The following PRIMA1 variants were observed in gnomAD, a reference collection of about 807,000 sequenced individuals.
The protein encoded by PRIMA1 is proline-rich membrane anchor 1.
A neutral mutation model predicts 17.5 loss-of-function variants in PRIMA1; 7 were observed. That is an observed-to-expected ratio of 0.40 (90% CI 0.23 to 0.75). The LOEUF is 0.75. Among genes scored for constraint, PRIMA1 ranks in the 30% least tolerant of loss-of-function variants. The probability of loss-of-function intolerance (pLI) is 0.37; values close to 1 mark genes in which losing one functional copy is unlikely to be tolerated. For synonymous variants in PRIMA1, 97 were observed against 77.9 expected (o/e 1.25, Z -1.29); for missense variants, 200 against 201.8 (o/e 0.99, Z 0.05).
intron 3 of PRIMA1, among the ~76,000 whole-genome samples, chr14:93,746,216 G>A (rs1343556086): frequency 6.6e-6 from 1 of 152,128 alleles, no homozygotes; most frequent in African/African-American, 2.4e-5. Context: ...TCCTGGGAAT[G>A]GTTTCCCAGC....
intron 2 of PRIMA1, among the ~76,000 whole-genome samples, chr14:93,785,042 C>A (rs924668083): frequency 6.6e-6 from 1 of 152,112 alleles, no homozygotes; most frequent in African/African-American, 2.4e-5. Flanking sequence ...AAGAGGCTGT[C>A]TCTCTAACTA....
chr14:93,767,492 G>C (rs1294002703), intron 3 of PRIMA1, among the ~76,000 whole-genome samples: 1 of 152,166 alleles, frequency 6.6e-6, no homozygotes, highest in Non-Finnish European at 1.5e-5. Flanking sequence ...CCTTGGTCAG[G>C]AGCAAAGGGT....
At chr14:93,760,849 A>G (rs1360930655) in intron 3 of PRIMA1, among the ~76,000 whole-genome samples, 1 of 144,574 alleles carries the variant, frequency 6.9e-6, no homozygotes, top group Non-Finnish European at 1.5e-5. Context: ...CTCCCCCTCC[A>G]TTGCTGCCCC....
At position 93,737,363 on chromosome 14, in the gene PRIMA1, G is replaced by A; in HGVS notation, c.237C>T (p.Asn79=). The change falls in exon 4 of 5, where the codon AAC becomes AAT. Residue 79 remains asparagine, a synonymous_variant. Coordinates refer to ENST00000393140, the MANE Select transcript of PRIMA1 (RefSeq NM_178013.4). ...TTTCCTCAGTGGGGCAAGAGGTAGA[G>A]TTGGGAGCTGAAAAAGACAGGAGCA... ...PPRLLSAPAP[N]STSCPTEESW... is the part of the protein sequence containing the mutation. 2 of 1,613,986 alleles carry A rather than the reference G, an allele frequency of 1.2e-6. No individual in the cohort carries two copies. Among genetic ancestry groups the A allele is most frequent in the Non-Finnish European group, 1.7e-6 (2 of 1,179,950 alleles).
chr14:93,757,694 G>A (rs910443124), intron 3 of PRIMA1, among the ~76,000 whole-genome samples: 24 of 152,086 alleles, frequency 1.6e-4, no homozygotes, highest in African/African-American at 5.6e-4. Flanking sequence ...GGTGGGCTTT[G>A]TCTTGGTGGG....
At chr14:93,763,399 C>A (rs539882511) in intron 3 of PRIMA1, among the ~76,000 whole-genome samples, 1 of 152,186 alleles carries the variant, frequency 6.6e-6, no homozygotes, top group South Asian at 2.1e-4. Flanking sequence ...GAGGCCAGCT[C>A]ACCCTTCTGA....
intron 3 of PRIMA1, among the ~76,000 whole-genome samples, chr14:93,760,045 C>G (rs1249012071): frequency 6.6e-6 from 1 of 152,250 alleles, no homozygotes; most frequent in East Asian, 1.9e-4. Flanking sequence ...CAACAGCTGC[C>G]GTCCCCGAGG....
chr14:93,761,930 A>G (rs1487514958), intron 3 of PRIMA1, among the ~76,000 whole-genome samples: 1 of 151,350 alleles, frequency 6.6e-6, no homozygotes, highest in Non-Finnish European at 1.5e-5. Flanking sequence ...AGCATATTCC[A>G]CCTCTTTCTG....
chr14:93,747,642 A>G (rs2076228015), intron 3 of PRIMA1, among the ~76,000 whole-genome samples: 1 of 142,666 alleles, frequency 7.0e-6, no homozygotes, highest in African/African-American at 2.6e-5. Flanking sequence ...AGTGCATGGG[A>G]GTATTGTGTA....
chr14:93,736,563 C>T (rs1413211234), intron 4 of PRIMA1, among the ~76,000 whole-genome samples: 1 of 152,262 alleles, frequency 6.6e-6, no homozygotes, highest in Admixed American at 6.5e-5. Flanking sequence ...ATGGAGCCGC[C>T]ATGCCCGGGC....
rs145840548 is a variant in PRIMA1, at chr14:93,779,183, G to A, written c.222C>T (p.Ser74=). The A allele has an allele frequency of 4.8e-3, 7,015 of 1,459,022 alleles. 22 individuals carry two copies. The highest frequency in any genetic ancestry group is 5.6e-3 in the Non-Finnish European group (6,236 of 1,110,588). 90.4% of individuals were successfully genotyped at this position (1,459,022 alleles called of 1,614,324 possible). ...GAGTGAGCCATTACTTACCTGGGGC[G>A]GAGAGGAGTCTGGGAGGTGGCGGGG... ...PPPPPPPRLL[S]APAPNSTSCP... Residue 74 remains serine, a synonymous_variant, in exon 3 of 5, where the codon TCC becomes TCT. Transcript: ENST00000393140.
chr14:93,774,756 C>T (rs1412060372), intron 3 of PRIMA1, among the ~76,000 whole-genome samples: 1 of 152,242 alleles, frequency 6.6e-6, no homozygotes, highest in Non-Finnish European at 1.5e-5. Flanking sequence ...CTTGCACTCA[C>T]AGGCTGCTCT....
intron 3 of PRIMA1, among the ~76,000 whole-genome samples, chr14:93,739,255 T>C (rs2076169904): frequency 1.3e-5 from 2 of 152,138 alleles, no homozygotes; most frequent in South Asian, 4.1e-4. Flanking sequence ...TTTCTCCATG[T>C]TGGTCAGGCT....
intron 3 of PRIMA1, among the ~76,000 whole-genome samples, chr14:93,760,845 C>A (rs1401612112): frequency 1.3e-5 from 2 of 152,030 alleles, no homozygotes; most frequent in Middle Eastern, 3.4e-3. Flanking sequence ...CTCTCTCCCC[C>A]TCCATTGCTG....
At chr14:93,751,999 GCA>G (rs1399375880) in intron 3 of PRIMA1, among the ~76,000 whole-genome samples, 1 of 152,188 alleles carries the variant, frequency 6.6e-6, no homozygotes, top group African/African-American at 2.4e-5. Context: ...ATTTCGCACA[GCA>G]CAGACCTAGA....
intron 2 of PRIMA1, among the ~76,000 whole-genome samples, chr14:93,781,065 T>C (rs1445165964): frequency 6.6e-6 from 1 of 152,206 alleles, no homozygotes; most frequent in Admixed American, 6.5e-5. Context: ...GTGGGTAATG[T>C]CCGCTGGGGT....
chr14:93,774,508 C>A (rs1001724138), intron 3 of PRIMA1, among the ~76,000 whole-genome samples: 2 of 152,250 alleles, frequency 1.3e-5, no homozygotes, highest in African/African-American at 2.4e-5. Context: ...CAAAGCTCAA[C>A]ACACCTGTGG....
At position 93,749,897 on chromosome 14, in the gene PRIMA1, T is replaced by C. The variant is rs914248610; in HGVS notation, c.230-12527A>G. Among the ~76,000 whole-genome samples, 10 of 151,598 alleles carry C rather than the reference T, an allele frequency of 6.6e-5. No individual in the cohort carries two copies. The South Asian group carries it at 1.9e-3, about 28-fold the overall frequency. On this transcript the variant is annotated intron_variant, in intron 3 of 4. Coordinates refer to ENST00000393140, the MANE Select transcript of PRIMA1 (RefSeq NM_178013.4). ...AAGTTAAAAAATTAGCTGGGATAAG[T>C]AAGCTGGGTGCAGTGGCTCATGCCT...
At chr14:93,768,771 A>G (rs906135494) in intron 3 of PRIMA1, among the ~76,000 whole-genome samples, 4 of 152,060 alleles carry the variant, frequency 2.6e-5, no homozygotes, top group African/African-American at 9.7e-5. Flanking sequence ...TTGGGAGAGG[A>G]AAATTCAGTA....
Sources: allele counts gnomAD v4.1 joint callset (sites outside exome capture counted in the v4.1 genomes callset), GRCh38; gene constraint gnomAD v4.1.1; transcripts MANE v1.5; gene names NCBI Gene and HGNC (gene_info 2026-07-23, HGNC 2026-07-21).